Variants in KCNB2 observed in about 807,000 individuals in gnomAD.
KCNB2 encodes the protein potassium voltage-gated channel subfamily B member 2, also known as delayed rectifier potassium channel protein.
Under a neutral mutation model 61.5 loss-of-function variants are expected in KCNB2, and 15 were observed. The ratio of observed to expected loss-of-function variants is 0.24; its 90% CI spans 0.16 to 0.38. The LOEUF (loss-of-function observed/expected upper bound fraction) is 0.38, where lower values mean the gene tolerates loss of function less well. Among genes scored for constraint, KCNB2 ranks in the 10% least tolerant of loss-of-function variants. The probability of loss-of-function intolerance (pLI) is 1.00; values close to 1 mark genes in which losing one functional copy is unlikely to be tolerated. For synonymous variants in KCNB2, 457 were observed against 446.0 expected, an observed-to-expected ratio of 1.02 and a Z score of -0.31; for missense variants, 828 against 1,125.2, an observed-to-expected ratio of 0.74 and a Z score of 3.78.
intron 2 of KCNB2, among the ~76,000 whole-genome samples, chr8:72,810,058 G>A (rs1809282685): frequency 6.6e-6 from 1 of 152,110 alleles, no homozygotes. Context: ...CAACCAAGAG[G>A]CCTCCTGCCT....
intron 2 of KCNB2, among the ~76,000 whole-genome samples, chr8:72,866,753 A>G (rs1805528749): frequency 1.3e-5 from 2 of 152,216 alleles, no homozygotes. Context: ...ATTTTTTAAA[A>G]GAAAATCAAA....
chr8:72,666,321 G>A (rs897888154), intron 2 of KCNB2, among the ~76,000 whole-genome samples: 1 of 144,790 alleles, frequency 6.9e-6, no homozygotes, highest in Non-Finnish European at 1.5e-5. Context: ...AGTTCTTTCT[G>A]CTGCTTAAAA....
At chr8:72,852,947 G>A (rs1810144553) in intron 2 of KCNB2, among the ~76,000 whole-genome samples, 1 of 152,136 alleles carries the variant, frequency 6.6e-6, no homozygotes, top group African/African-American at 2.4e-5. Flanking sequence ...TAGCATATGG[G>A]TAATAAATTC....
chr8:72,929,582 G>A lies in KCNB2; in HGVS notation c.580-6353G>A, dbSNP rs73319485. Among the ~76,000 whole-genome samples, 523 of 152,232 alleles carry A rather than the reference G, an allele frequency of 3.4e-3. 2 individuals are homozygous for A. Among genetic ancestry groups the A allele is most frequent in the African/African-American group, 0.012 (496 of 41,538 alleles). ...TTTACTTTGGACGTTCAACTAAAAT[G>A]ACATCATCAACTGTGACTTGTCCTG... On this transcript the variant is annotated intron_variant, in intron 2 of 2. Coordinates refer to ENST00000523207, the MANE Select transcript of KCNB2 (RefSeq NM_004770.3).
At chr8:72,629,521 A>G (rs1805846328) in intron 2 of KCNB2, among the ~76,000 whole-genome samples, 1 of 152,210 alleles carries the variant, frequency 6.6e-6, no homozygotes, top group Non-Finnish European at 1.5e-5. Context: ...GTCTTTTGCC[A>G]GCCCTGGGCT....
In KCNB2 at chr8:72,683,953, T is replaced by C. The variant is rs74691764; in HGVS notation, c.579+115640T>C. Among the ~76,000 whole-genome samples, 733 of 152,228 alleles carry C rather than the reference T, an allele frequency of 4.8e-3. 3 individuals carry two copies. Among genetic ancestry groups the C allele is most frequent in the African/African-American group, 0.017 (690 of 41,522 alleles). On this transcript the variant is annotated intron_variant, in intron 2 of 2. Coordinates refer to ENST00000523207, the MANE Select transcript of KCNB2 (RefSeq NM_004770.3). ...ATTTGTGAGTTTATACTTTTTCCCT[T>C]GAATGATGGGTAGAGATTGAAGGAT...
At chr8:72,803,652 A>G (rs549733202) in intron 2 of KCNB2, among the ~76,000 whole-genome samples, 104 of 152,358 alleles carry the variant, frequency 6.8e-4, no homozygotes, top group Non-Finnish European at 1.3e-3. Flanking sequence ...GGGAGTTAAC[A>G]CTACCTGCAG....
intron 2 of KCNB2, among the ~76,000 whole-genome samples, chr8:72,607,094 C>T (rs1407403277): frequency 6.6e-6 from 1 of 152,098 alleles, no homozygotes; most frequent in East Asian, 1.9e-4. Context: ...GAACTGGGTA[C>T]CTGCCTCAAA....
In KCNB2 at chr8:72,937,304, C is replaced by A. The variant is rs767830715; in HGVS notation, c.1949C>A (p.Pro650Gln). 1.2e-6 allele frequency: 2 copies of A among 1,613,876 alleles called. No homozygotes were observed. Among genetic ancestry groups the A allele is most frequent in the South Asian group, 1.1e-5 (1 of 91,080 alleles). Residue 650 changes from proline to glutamine, a missense_variant, in exon 3 of 3, where the codon CCG becomes CAG. This residue lies in a region of KCNB2 where 559 missense variants were observed against 588.4 expected (regional missense o/e 0.95). Transcript: ENST00000523207. ...GAGCACCAAAGAGCTAGGGGCCCCCCGTTTCTAACTCTATCCAGAGAGAAA... is the reference window on the plus strand; with the variant it reads ...GAGCACCAAAGAGCTAGGGGCCCCCAGTTTCTAACTCTATCCAGAGAGAAA... ...TEEHQRARGPPFLTLSREKGP... is the reference protein window; with the variant it reads ...TEEHQRARGPQFLTLSREKGP...
chr8:72,599,819 T>A (rs1807263400), intron 2 of KCNB2, among the ~76,000 whole-genome samples: 1 of 152,152 alleles, frequency 6.6e-6, no homozygotes, highest in South Asian at 2.1e-4. Context: ...AAGAAGACAT[T>A]TATGTAGCCA....
intron 2 of KCNB2, among the ~76,000 whole-genome samples, chr8:72,786,568 A>C (rs1354319580): frequency 6.6e-6 from 1 of 152,128 alleles, no homozygotes; most frequent in Non-Finnish European, 1.5e-5. Context: ...AACTAGGTAA[A>C]TTCAGCTGGG....
chr8:72,922,030 C>T (rs1806531516), intron 2 of KCNB2, among the ~76,000 whole-genome samples: 2 of 152,196 alleles, frequency 1.3e-5, no homozygotes, highest in African/African-American at 2.4e-5. Flanking sequence ...GAAAGGTACT[C>T]TCTCACAGTT....
At position 72,703,154 on chromosome 8, in the gene KCNB2, T is replaced by C. The variant is rs139197886; in HGVS notation, c.579+134841T>C. On this transcript the variant is annotated intron_variant, in intron 2 of 2. Transcript: ENST00000523207. ...TAAAGGCCTTTTCTTTTCCTAGCTATGCCATTTTCTCCATAATTCTAAGCT... is the reference window on the plus strand; with the variant it reads ...TAAAGGCCTTTTCTTTTCCTAGCTACGCCATTTTCTCCATAATTCTAAGCT... Among the ~76,000 whole-genome samples, 322 of 152,362 alleles carry C rather than the reference T, an allele frequency of 2.1e-3. 3 individuals are homozygous for C. Among genetic ancestry groups the C allele is most frequent in the African/African-American group, 7.3e-3 (302 of 41,592 alleles).
At chr8:72,561,491 C>T (rs1466761819) in intron 1 of KCNB2, among the ~76,000 whole-genome samples, 4 of 150,336 alleles carry the variant, frequency 2.7e-5, no homozygotes, top group African/African-American at 4.9e-5. Flanking sequence ...ATATTAGCAG[C>T]CTTTGATTGC....
intron 2 of KCNB2, among the ~76,000 whole-genome samples, chr8:72,632,065 C>A (rs1805890342): frequency 6.6e-6 from 1 of 150,952 alleles, no homozygotes; most frequent in African/African-American, 2.4e-5. Flanking sequence ...GGCAAGACCC[C>A]CATCTTTTAA....
At chr8:72,690,792 T>C (rs1457639347) in intron 2 of KCNB2, among the ~76,000 whole-genome samples, 1 of 152,248 alleles carries the variant, frequency 6.6e-6, no homozygotes, top group Admixed American at 6.5e-5. Flanking sequence ...CATGTAGAAC[T>C]GTCTTTTCAG....
chr8:72,748,872 C>A (rs573354989), intron 2 of KCNB2, among the ~76,000 whole-genome samples: 1 of 151,992 alleles, frequency 6.6e-6, no homozygotes, highest in Non-Finnish European at 1.5e-5. Context: ...ACTTAAAAAT[C>A]TATTCTCTTT....
intron 2 of KCNB2, among the ~76,000 whole-genome samples, chr8:72,742,670 T>G (rs370144223): frequency 2.6e-5 from 4 of 152,272 alleles, no homozygotes; most frequent in Admixed American, 6.5e-5. Flanking sequence ...GAAGAACGTT[T>G]CCTGTCCTCC....
At chr8:72,577,421 A>G (rs1363346339) in intron 2 of KCNB2, among the ~76,000 whole-genome samples, 10 of 152,184 alleles carry the variant, frequency 6.6e-5, no homozygotes, top group Admixed American at 6.5e-4. Flanking sequence ...AAAAGCAATG[A>G]ACTTCAGCAT....
Sources: allele counts gnomAD v4.1 joint callset (sites outside exome capture counted in the v4.1 genomes callset), GRCh38; gene constraint gnomAD v4.1.1; regional missense constraint gnomAD v4.1.1; transcripts MANE v1.5; gene names NCBI Gene and HGNC (gene_info 2026-07-23, HGNC 2026-07-21).